Variants in MTMR14 observed in about 807,000 individuals in gnomAD.
MTMR14 encodes the protein phosphatidylinositol-3,5-bisphosphate 3-phosphatase MTMR14.
In MTMR14, 48 loss-of-function variants were observed where a neutral mutation model predicts 86.3. The ratio of observed to expected loss-of-function variants is 0.56; its 90% CI spans 0.44 to 0.71. MTMR14 has a LOEUF of 0.71. MTMR14 is among the 30% of genes least tolerant of loss of function. The pLI is 0.00. For missense variants in MTMR14, 780 were observed against 834.6 expected (o/e 0.93, Z 0.81); for synonymous variants, 366 against 326.1 (o/e 1.12, Z -1.32).
chr3:9,679,724 A>G (rs1423528355), intron 9 of MTMR14, among the ~76,000 whole-genome samples: 3 of 152,184 alleles, frequency 2.0e-5, no homozygotes, highest in African/African-American at 7.2e-5. Flanking sequence ...GCCAGGCTCA[A>G]ATATGATCAC....
chr3:9,684,836 G>A, intron 11 of MTMR14, 52 bp from the exon 12 acceptor site: 2 of 1,598,272 alleles, frequency 1.3e-6, no homozygotes, highest in East Asian at 4.5e-5. Context: ...TTATGGTTCA[G>A]CTCCTGGGGA....
chr3:9,677,178 C>T lies in MTMR14; in HGVS notation c.752-139C>T, dbSNP rs1191994799. On this transcript the variant is annotated intron_variant, in intron 7 of 18. Transcript: ENST00000296003. The surrounding 1 kb of genome is among the most constrained non-coding windows in gnomAD (Gnocchi z 4.2). ...TGCCCACCCGTGTCAGCCTTGGCCT[C>T]ACTGAAGCCACTAGCTTGGAGAAGT... The T allele has an allele frequency of 1.4e-6, 1 of 737,528 alleles. No homozygotes were observed. The highest frequency in any genetic ancestry group is 2.5e-5 in the East Asian group (1 of 39,642). The allele number at this position is 737,528 out of a possible 1,614,324, so 45.7% of individuals were successfully genotyped here.
At chr3:9,668,122 C>G (rs2048356515) in intron 3 of MTMR14, among the ~76,000 whole-genome samples, 1 of 152,182 alleles carries the variant, frequency 6.6e-6, no homozygotes. Flanking sequence ...CTAGAATTCT[C>G]TTAACAGTGA....
At chr3:9,689,885 G>C in intron 16 of MTMR14, 79 bp from the exon 17 acceptor site, 1 of 1,393,926 alleles carries the variant, frequency 7.2e-7, no homozygotes, top group Non-Finnish European at 9.9e-7. Context: ...TAAAGCCTAG[G>C]CCTGAAATTC....
At chr3:9,697,400 C>G (rs2076313892) in intron 17 of MTMR14, among the ~76,000 whole-genome samples, 1 of 152,170 alleles carries the variant, frequency 6.6e-6, no homozygotes, top group South Asian at 2.1e-4. Flanking sequence ...TTGCCGTGTT[C>G]ACTCCCAGCG....
chr3:9,650,213 G>C lies in MTMR14; in HGVS notation c.159+471G>C, dbSNP rs189661489. 35 of 422,150 alleles carry C rather than the reference G, an allele frequency of 8.3e-5. No homozygotes were observed. The East Asian group carries it at 1.9e-3, about 23-fold the overall frequency. 26.2% of individuals were successfully genotyped at this position (422,150 alleles called of 1,614,324 possible). A position where few individuals can be genotyped will look rare whatever the true frequency, so the allele number is the denominator to read the frequency against. On this transcript the variant is annotated intron_variant, in intron 1 of 18. Coordinates refer to ENST00000296003, the MANE Select transcript of MTMR14 (RefSeq NM_001077525.3). ...CTTATAAGGTCTCAGCATGACTTAG[G>C]CCCATCCCTTTCCTTCCCCTATAGA... is the stretch of plus-strand genomic sequence containing the variant.
rs1374806509 is a variant in MTMR14, at chr3:9,697,878, G to C, written c.1769+12G>C. The C allele has an allele frequency of 6.2e-7, 1 of 1,614,000 alleles. No homozygotes were observed. The highest frequency in any genetic ancestry group is 8.5e-7 in the Non-Finnish European group (1 of 1,180,034). ...CCTAACAGTTGTCTGTAAGTGTCTT[G>C]CTTGAGAAGGCAGGATGCTCCCCTG... On this transcript the variant is annotated intron_variant, in intron 18 of 18. Transcript: ENST00000296003.
intron 14 of MTMR14, 106 bp downstream of exon 14, chr3:9,687,997 T>G: frequency 1.0e-6 from 1 of 982,494 alleles, no homozygotes; most frequent in East Asian, 2.6e-5. Context: ...GCCTCCCTGC[T>G]TGTTGGGCTG....
rs375137029 is a variant in MTMR14, at chr3:9,656,205, A to T, written c.308+2436A>T. ...TGAGACTCCATCTCAAAAAAATAAA[A>T]AAAAAAGAGTGCCCATTTCACAAGG... On this transcript the variant is annotated intron_variant, in intron 2 of 18. Transcript: ENST00000296003. 6.3e-4 allele frequency among the ~76,000 whole-genome samples: 95 copies of T among 151,596 alleles called. 1 individual carries two copies. The highest frequency in any genetic ancestry group is 2.2e-3 in the African/African-American group (91 of 41,228).
intron 17 of MTMR14, among the ~76,000 whole-genome samples, chr3:9,691,264 G>A (rs1033836277): frequency 4.6e-5 from 7 of 152,156 alleles, no homozygotes; most frequent in East Asian, 1.9e-4. Flanking sequence ...GCCACACGCC[G>A]TCTGGCCCCA....
intron 2 of MTMR14, among the ~76,000 whole-genome samples, chr3:9,660,433 G>T (rs2047864447): frequency 6.6e-6 from 1 of 151,870 alleles, no homozygotes; most frequent in African/African-American, 2.4e-5. Flanking sequence ...TAATTTTTTT[G>T]TATTTTTAGT....
At chr3:9,683,505 C>T (rs2075838911) in intron 10 of MTMR14, 1 of 463,866 alleles carries the variant, frequency 2.2e-6, no homozygotes, top group Non-Finnish European at 4.0e-6. Context: ...CACACTGTCT[C>T]AGCATTGCAC....
Position 9,702,333 on chromosome 3 carries a change from C to T in MTMR14, c.*360C>T. On this transcript the variant is annotated 3_prime_UTR_variant, in exon 19 of 19. Coordinates refer to ENST00000296003, the MANE Select transcript of MTMR14 (RefSeq NM_001077525.3). Reference sequence around the variant, plus strand: ...TTCTGGGGAGGAGGGATCACCTGCACTGAGAATGAGGCAGTTTGACACAGA... The same window carrying T: ...TTCTGGGGAGGAGGGATCACCTGCATTGAGAATGAGGCAGTTTGACACAGA... 1 of 382,510 alleles carries T rather than the reference C, an allele frequency of 2.6e-6. No homozygotes were observed. Among genetic ancestry groups the T allele is most frequent in the Non-Finnish European group, 5.0e-6 (1 of 200,414 alleles). 23.7% of individuals were successfully genotyped at this position (382,510 alleles called of 1,614,324 possible).
At chr3:9,683,761 A>G (rs889303787) in intron 10 of MTMR14, 2 of 157,098 alleles carry the variant, frequency 1.3e-5, no homozygotes, top group African/African-American at 4.8e-5. Context: ...TGCTCAAACA[A>G]GTGGAAATGC....
chr3:9,692,527 T>TGA (rs2076167366), intron 17 of MTMR14, among the ~76,000 whole-genome samples: 1 of 152,252 alleles, frequency 6.6e-6, no homozygotes. Flanking sequence ...ACCAATGCTC[T>TGA]GAGCTCACAT....
chr3:9,694,948 C>G (rs572561007), intron 17 of MTMR14, among the ~76,000 whole-genome samples: 1 of 152,132 alleles, frequency 6.6e-6, no homozygotes, highest in African/African-American at 2.4e-5. Flanking sequence ...AGGTCTGAGC[C>G]GCTGGGATGT....
At chr3:9,670,629 G>C (rs1292142508) in intron 5 of MTMR14, among the ~76,000 whole-genome samples, 1 of 151,958 alleles carries the variant, frequency 6.6e-6, no homozygotes, top group Non-Finnish European at 1.5e-5. Context: ...TACATTATGA[G>C]CAAGTCATGT....
intron 18 of MTMR14, among the ~76,000 whole-genome samples, chr3:9,698,625 T>TC (rs1185682118): frequency 6.6e-6 from 1 of 151,400 alleles, no homozygotes; most frequent in African/African-American, 2.4e-5. Context: ...ATCCAGCTCA[T>TC]CCCCCCACCC....
chr3:9,650,052 A>T lies in MTMR14; in HGVS notation c.159+310A>T, dbSNP rs74826765. On this transcript the variant is annotated intron_variant, in intron 1 of 18. Coordinates refer to ENST00000296003, the MANE Select transcript of MTMR14 (RefSeq NM_001077525.3). ...AGAGAGGAGGACCTAAGGAAGGTCT[A>T]TTCCCTGCTTCAGGTGCCGTAGGAT... 4.3e-4 allele frequency among the ~76,000 whole-genome samples: 66 copies of T among 152,240 alleles called. No individual in the cohort carries two copies. The East Asian group carries it at 0.012, about 28-fold the overall frequency.
Sources: gnomAD v4.1 joint callset for allele counts (sites outside exome capture counted in the v4.1 genomes callset) on GRCh38, gnomAD v4.1.1 for gene constraint, Gnocchi (gnomAD v3.1) non-coding constraint, MANE v1.5 for transcripts, NCBI Gene and HGNC (gene_info 2026-07-23, HGNC 2026-07-21) for gene names.